The following SNTG1 variants were observed in gnomAD, a reference collection of about 807,000 sequenced individuals.
SNTG1 encodes gamma-1-syntrophin.
A neutral mutation model predicts 74.7 loss-of-function variants in SNTG1; 39 were observed. The ratio of observed to expected loss-of-function variants is 0.52; its 90% CI spans 0.40 to 0.68. The LOEUF (loss-of-function observed/expected upper bound fraction) is 0.68, where lower values mean the gene tolerates loss of function less well. Among genes scored for constraint, SNTG1 ranks in the 30% least tolerant of loss-of-function variants. The pLI, the probability that SNTG1 is intolerant of heterozygous loss-of-function variation, is 0.00. For synonymous variants in SNTG1, 254 were observed against 217.1 expected, an observed-to-expected ratio of 1.17 and a Z score of -1.49; for missense variants, 685 against 609.5, an observed-to-expected ratio of 1.12 and a Z score of -1.30.
intron 18 of SNTG1, among the ~76,000 whole-genome samples, chr8:50,775,093 T>C (rs2095637054): frequency 6.6e-6 from 1 of 151,404 alleles, no homozygotes; most frequent in African/African-American, 2.4e-5. Context: ...TAAAAACTTA[T>C]GATATAAAGT....
intron 15 of SNTG1, among the ~76,000 whole-genome samples, chr8:50,661,559 G>A (rs771160599): frequency 2.0e-5 from 3 of 152,036 alleles, no homozygotes; most frequent in Non-Finnish European, 4.4e-5. Flanking sequence ...AATACTTCAA[G>A]TTCTGGGATA....
At chr8:50,679,308 T>G (rs778653127) in intron 15 of SNTG1, among the ~76,000 whole-genome samples, 7 of 152,140 alleles carry the variant, frequency 4.6e-5, no homozygotes, top group Non-Finnish European at 7.4e-5. Flanking sequence ...GAAAGAGTAG[T>G]GATGTGTTAA....
At chr8:50,593,932 G>T (rs2094709909) in intron 13 of SNTG1, among the ~76,000 whole-genome samples, 1 of 151,990 alleles carries the variant, frequency 6.6e-6, no homozygotes, top group African/African-American at 2.4e-5. Flanking sequence ...TGGCCAGCCT[G>T]GTCTCAAACT....
intron 2 of SNTG1, among the ~76,000 whole-genome samples, chr8:50,385,573 C>A (rs1023741809): frequency 2.0e-5 from 3 of 152,126 alleles, no homozygotes; most frequent in African/African-American, 7.2e-5. Context: ...CTGTAATGAG[C>A]CACTGTGGAA....
intron 15 of SNTG1, among the ~76,000 whole-genome samples, chr8:50,669,116 C>A (rs1030389604): frequency 6.6e-6 from 1 of 151,686 alleles, no homozygotes; most frequent in Admixed American, 6.6e-5. Context: ...CCTAACATCA[C>A]AATTAAAAGA....
intron 13 of SNTG1, among the ~76,000 whole-genome samples, chr8:50,623,977 C>T (rs547783320): frequency 1.3e-5 from 2 of 151,894 alleles, no homozygotes; most frequent in Non-Finnish European, 2.9e-5. Flanking sequence ...GTTAAGCTAT[C>T]TGGAAGTAAT....
intron 9 of SNTG1, among the ~76,000 whole-genome samples, chr8:50,511,805 G>T (rs1290868778): frequency 6.6e-6 from 1 of 152,064 alleles, no homozygotes; most frequent in African/African-American, 2.4e-5. Context: ...GAGCCTATGT[G>T]TGTCTCTGCA....
At chr8:50,332,730 A>G (rs1038682375) in intron 2 of SNTG1, among the ~76,000 whole-genome samples, 5 of 152,164 alleles carry the variant, frequency 3.3e-5, no homozygotes, top group African/African-American at 1.2e-4. Flanking sequence ...CCAGCAATTA[A>G]TCTCCTTAGC....
chr8:50,287,950 G>A (rs182954445), intron 2 of SNTG1, among the ~76,000 whole-genome samples: 127 of 152,196 alleles, frequency 8.3e-4, no homozygotes, highest in African/African-American at 2.7e-3. Flanking sequence ...CATTGCAAAC[G>A]TCATCTCTAT....
chr8:50,698,079 G>A (rs770142690), intron 15 of SNTG1, among the ~76,000 whole-genome samples: 1 of 152,182 alleles, frequency 6.6e-6, no homozygotes, highest in East Asian at 1.9e-4. Flanking sequence ...TCTTTGTTGG[G>A]AGACTTTTCG....
intron 1 of SNTG1, among the ~76,000 whole-genome samples, chr8:50,131,868 A>G (rs1013328145): frequency 2.0e-5 from 3 of 152,048 alleles, no homozygotes; most frequent in Non-Finnish European, 4.4e-5. Flanking sequence ...TATACAATAT[A>G]TATAAAATAG....
chr8:50,755,129 T>C (rs77792035), intron 18 of SNTG1, among the ~76,000 whole-genome samples: 2 of 151,910 alleles, frequency 1.3e-5, no homozygotes, highest in East Asian at 3.9e-4. Context: ...CCAGAGTCCA[T>C]AGTTCACATT....
At chr8:50,545,785 C>T (rs899185182) in intron 11 of SNTG1, among the ~76,000 whole-genome samples, 5 of 152,046 alleles carry the variant, frequency 3.3e-5, no homozygotes, top group African/African-American at 1.2e-4. Flanking sequence ...GAGATGAAGA[C>T]GTTTCAGATG....
At chr8:50,373,444 A>G (rs2092312651) in intron 2 of SNTG1, among the ~76,000 whole-genome samples, 1 of 152,206 alleles carries the variant, frequency 6.6e-6, no homozygotes, top group Admixed American at 6.5e-5. Flanking sequence ...TTCTAAATTA[A>G]TTCTTGGTGA....
chr8:50,348,377 C>A (rs959999231), intron 2 of SNTG1, among the ~76,000 whole-genome samples: 23 of 152,154 alleles, frequency 1.5e-4, no homozygotes, highest in Admixed American at 1.4e-3. Context: ...CTGCACCCAC[C>A]CCCACTACCC....
intron 1 of SNTG1, among the ~76,000 whole-genome samples, chr8:50,146,830 G>A (rs1221079032): frequency 1.3e-5 from 2 of 152,040 alleles, no homozygotes; most frequent in African/African-American, 2.4e-5. Flanking sequence ...CTATGGTTAA[G>A]TGTCTGTTAA....
At chr8:50,503,137 C>T (rs1563487044) in intron 9 of SNTG1, among the ~76,000 whole-genome samples, 1 of 152,012 alleles carries the variant, frequency 6.6e-6, no homozygotes, top group Non-Finnish European at 1.5e-5. Context: ...ATAGGCATAT[C>T]AAATATCATG....
chr8:50,650,677 G>T (rs1246477341), intron 13 of SNTG1, among the ~76,000 whole-genome samples: 2 of 151,972 alleles, frequency 1.3e-5, no homozygotes, highest in Non-Finnish European at 2.9e-5. Flanking sequence ...ATTTGTCTAA[G>T]AATTAATATA....
intron 2 of SNTG1, among the ~76,000 whole-genome samples, chr8:50,249,451 C>T (rs201542088): frequency 2.0e-5 from 3 of 152,362 alleles, no homozygotes; most frequent in South Asian, 4.1e-4. Context: ...TCACATGTAC[C>T]TGCCCCTAGC....
Sources: allele counts gnomAD v4.1 joint callset (sites outside exome capture counted in the v4.1 genomes callset), GRCh38; gene constraint gnomAD v4.1.1; transcripts MANE v1.5; gene names NCBI Gene and HGNC (gene_info 2026-07-23, HGNC 2026-07-21).